SLC6A15: variants seen among roughly 807,000 people sequenced by gnomAD.
SLC6A15 encodes solute carrier family 6 member 15.
A neutral mutation model predicts 68.5 loss-of-function variants in SLC6A15; 33 were observed. That is an observed-to-expected ratio of 0.48 (90% CI 0.37 to 0.64). The LOEUF is 0.64. SLC6A15 is among the 30% of genes least tolerant of loss of function. The pLI, the probability that SLC6A15 is intolerant of heterozygous loss-of-function variation, is 0.00. For synonymous variants in SLC6A15, 347 were observed against 301.0 expected, an observed-to-expected ratio of 1.15 and a Z score of -1.58; for missense variants, 747 against 874.3, an observed-to-expected ratio of 0.85 and a Z score of 1.84.
At chr12:84,911,320 G>T (rs1199055120) in intron 1 of SLC6A15, among the ~76,000 whole-genome samples, 1 of 152,170 alleles carries the variant, frequency 6.6e-6, no homozygotes, top group African/African-American at 2.4e-5. Context: ...CAAGGATGGT[G>T]CAGACTAAGA....
At chr12:84,911,004 T>C (rs930131550) in intron 1 of SLC6A15, among the ~76,000 whole-genome samples, 2 of 152,044 alleles carry the variant, frequency 1.3e-5, no homozygotes, top group African/African-American at 4.8e-5. Context: ...AAAGAAGATT[T>C]AGTCCATCAT....
chr12:84,885,779 G>A, intron 3 of SLC6A15, 132 bp downstream of exon 3: 1 of 1,010,236 alleles, frequency 9.9e-7, no homozygotes, highest in Non-Finnish European at 1.4e-6. Flanking sequence ...TAATCCATAT[G>A]CCAGTAACGT....
chr12:84,863,579 T>C lies in SLC6A15; in HGVS notation c.1678A>G (p.Met560Val), dbSNP rs1324999162. 1 of 1,566,670 alleles carries C rather than the reference T, an allele frequency of 6.4e-7. No homozygotes were observed. The highest frequency in any genetic ancestry group is 2.1e-5 in the Admixed American group (1 of 46,804). The change falls in exon 11 of 12, where the codon ATG (methionine) becomes GTG (valine). Residue 560 changes from methionine (M) to valine (V), a missense_variant. Transcript: ENST00000266682. ...TATCTGCTGGGAGCAAAGCCCAGCA[T>C]ATCTTTTAGGTCTTCCATAAACCTG... ...IDKFMEDLKD[M>V]LGFAPSRYYY...
At chr12:84,875,215 T>G (rs1039923513) in intron 6 of SLC6A15, among the ~76,000 whole-genome samples, 2 of 152,146 alleles carry the variant, frequency 1.3e-5, no homozygotes, top group Admixed American at 6.5e-5. Context: ...ATTATACATA[T>G]AAGTATTTTT....
chr12:84,885,790 T>C, intron 3 of SLC6A15, 121 bp downstream of exon 3: 1 of 1,122,252 alleles, frequency 8.9e-7, no homozygotes, highest in South Asian at 1.8e-5. Flanking sequence ...CCAGTAACGT[T>C]TTCTAAAACA....
At chr12:84,863,363 G>A in intron 11 of SLC6A15, 76 bp downstream of exon 11, 1 of 1,079,812 alleles carries the variant, frequency 9.3e-7, no homozygotes, top group East Asian at 2.7e-5. Context: ...TACTGTGATG[G>A]AGACAAAAGA....
intron 5 of SLC6A15, chr12:84,881,529 AC>A (rs1871820200): frequency 1.0e-6 from 1 of 985,246 alleles, no homozygotes; most frequent in South Asian, 4.7e-5. Flanking sequence ...ATATGTGCCT[AC>A]CTAGCCCAAA....
chr12:84,903,518 T>C (rs369456866), intron 1 of SLC6A15, among the ~76,000 whole-genome samples: 5 of 152,242 alleles, frequency 3.3e-5, no homozygotes, highest in African/African-American at 1.2e-4. Flanking sequence ...GAATCCAAAT[T>C]AAGTTACAGT....
chr12:84,881,482 T>A lies in SLC6A15; in HGVS notation c.756+2377A>T, dbSNP rs1412489202. On this transcript the variant is annotated intron_variant, in intron 5 of 11. Transcript: ENST00000266682. ...CATAATAAAAAGGAAAATACAAGAT[T>A]TCAGTAAAATCCAGTATTGCAGATG... 3.0e-6 allele frequency: 3 copies of A among 985,300 alleles called. No homozygotes were observed. In the African/African-American group the frequency reaches 5.2e-5, roughly 17 times the overall value. 61.0% of individuals were successfully genotyped at this position (985,300 alleles called of 1,614,324 possible).
Position 84,860,696 on chromosome 12 carries a change from C to T in SLC6A15, c.*936G>A, listed in dbSNP as rs1273160277. The T allele has an allele frequency of 6.6e-6, 1 of 151,982 alleles. No homozygotes were observed. Among genetic ancestry groups the T allele is most frequent in the Non-Finnish European group, 1.5e-5 (1 of 67,976 alleles). The allele number at this position is 151,982 out of a possible 1,614,324, so 9.4% of individuals were successfully genotyped here. ...TTGTAGATTAAAATGTAATGCATTA[C>T]AATTTTAACAATCACTTAAAAATGA... On this transcript the variant is annotated 3_prime_UTR_variant, in exon 12 of 12. Transcript: ENST00000266682.
chr12:84,866,408 A>C (rs765706830), intron 10 of SLC6A15, among the ~76,000 whole-genome samples: 16 of 152,200 alleles, frequency 1.1e-4, no homozygotes, highest in Non-Finnish European at 2.4e-4. Context: ...GAATTTATTC[A>C]TTATTTATGC....
rs774626493 is a variant in SLC6A15 at position 84,872,750 on chromosome 12, C to G, written c.1154G>C (p.Ser385Thr). 1.2e-6 allele frequency: 2 copies of G among 1,605,072 alleles called. No homozygotes were observed. The highest frequency in any genetic ancestry group is 1.7e-6 in the Non-Finnish European group (2 of 1,177,910). The change falls in exon 8 of 12, where the codon AGT (serine) becomes ACT (threonine). Residue 385 changes from serine to threonine, a missense_variant. By Grantham distance (58) the Ser-to-Thr change is moderately conservative. Transcript: ENST00000266682. ...GATATGATGGGGAATAATATCCTGA[C>G]TAATGTTCCCCATTTTCAAAAATTT... Reference protein sequence around the residue: ...IMKFLKMGNISQDIIPHHINL... With the variant: ...IMKFLKMGNITQDIIPHHINL...
intron 5 of SLC6A15, among the ~76,000 whole-genome samples, chr12:84,878,377 G>A (rs1871657787): frequency 6.6e-6 from 1 of 151,966 alleles, no homozygotes; most frequent in African/African-American, 2.4e-5. Context: ...CATTAAATTT[G>A]GCAGTTGCCT....
At chr12:84,910,924 T>TCTCTCTCTCTCTCTCTCTCTCTCTCTCTC (rs1873406258) in intron 1 of SLC6A15, among the ~76,000 whole-genome samples, 1 of 134,606 alleles carries the variant, frequency 7.4e-6, no homozygotes, top group Non-Finnish European at 1.5e-5. Context: ...AGCCGCCCTC[T>TCTCTCTCTCTCTCTCTCTCTCTCTCTCTC]TTCCGTGTGT....
intron 10 of SLC6A15, 111 bp downstream of exon 10, chr12:84,866,923 A>C: frequency 1.0e-6 from 1 of 971,936 alleles, no homozygotes. Flanking sequence ...GATTTTTTAA[A>C]GAATTGTTCC....
Position 84,899,586 on chromosome 12 carries a change from A to G in SLC6A15, c.-188-7278T>C, listed in dbSNP as rs536747069. Among the ~76,000 whole-genome samples the G allele has an allele frequency of 3.3e-5, 5 of 152,220 alleles. No individual in the cohort carries two copies. In the East Asian group the frequency reaches 5.8e-4, roughly 18 times the overall value. The stretch of plus-strand genomic sequence containing the variant: ...TTTCTTTGAGCTCCTGTGACTGCCA[A>G]TATTACTTTTCTTTGCCTCTTATCC... On this transcript the variant is annotated intron_variant, in intron 1 of 11. Transcript: ENST00000266682.
At chr12:84,871,646 T>C (rs1871291368) in intron 8 of SLC6A15, among the ~76,000 whole-genome samples, 1 of 152,198 alleles carries the variant, frequency 6.6e-6, no homozygotes, top group South Asian at 2.1e-4. Context: ...TCAAGGTTTT[T>C]ATATTAATGA....
Position 84,872,760 on chromosome 12 carries a change from C to G in SLC6A15, c.1144G>C (p.Gly382Arg). 1 of 1,602,322 alleles carries G rather than the reference C, an allele frequency of 6.2e-7. No homozygotes were observed. Among genetic ancestry groups the G allele is most frequent in the Non-Finnish European group, 8.5e-7 (1 of 1,177,184 alleles). Residue 382 changes from glycine (G) to arginine (R), a missense_variant, in exon 8 of 12, where the codon GGG (glycine) becomes CGG (arginine). Transcript: ENST00000266682. The stretch of plus-strand genomic sequence containing the variant: ...GGAATAATATCCTGACTAATGTTCC[C>G]CATTTTCAAAAATTTCATGATCGTC... ...SETIMKFLKMGNISQDIIPHH... is the reference protein window; with the variant it reads ...SETIMKFLKMRNISQDIIPHH...
chr12:84,895,157 A>T (rs1872585487), intron 1 of SLC6A15, among the ~76,000 whole-genome samples: 1 of 151,988 alleles, frequency 6.6e-6, no homozygotes, highest in Non-Finnish European at 1.5e-5. Context: ...AAATATTCAC[A>T]ATAACATGTA....
Sources: allele counts gnomAD v4.1 joint callset (sites outside exome capture counted in the v4.1 genomes callset), GRCh38; gene constraint gnomAD v4.1.1; transcripts MANE v1.5; gene names NCBI Gene and HGNC (gene_info 2026-07-23, HGNC 2026-07-21).